COMP: variants seen among roughly 807,000 people sequenced by gnomAD.
The protein encoded by COMP is cartilage oligomeric matrix protein (pseudoachondroplasia, epiphyseal dysplasia 1, multiple).
COMP carries 79 observed loss-of-function variants against 95.8 expected under a neutral mutation model. That is an observed-to-expected ratio of 0.82 (90% confidence interval 0.69 to 0.99). The LOEUF (loss-of-function observed/expected upper bound fraction) is 0.99, where lower values mean the gene tolerates loss of function less well. COMP is among the 50% of genes least tolerant of loss of function. The pLI, the probability that COMP is intolerant of heterozygous loss-of-function variation, is 0.00. For synonymous variants in COMP, 438 were observed against 433.9 expected (o/e 1.01, Z -0.12); for missense variants, 906 against 1,076.1 (o/e 0.84, Z 2.21).
At chr19:18,786,404 C>T in intron 11 of COMP, 113 bp from the exon 12 acceptor site, 1 of 1,559,200 alleles carries the variant, frequency 6.4e-7, no homozygotes, top group Non-Finnish European at 8.8e-7. Flanking sequence ...ACCCCCACCG[C>T]AGGCTGCTCG....
At chr19:18,785,354 A>AC in intron 15 of COMP, 144 bp downstream of exon 15, 1 of 1,065,860 alleles carries the variant, frequency 9.4e-7, no homozygotes, top group Non-Finnish European at 1.4e-6. Context: ...CGCCCATATA[A>AC]CCCCGCCCCT....
In COMP at chr19:18,790,436, C is replaced by G; in HGVS notation, c.217+126G>C. ...CCCATCCCATTCCCGTTCGTCCGTC[C>G]ACCTCTCCGTCAGCCTCCATCTCCT... On this transcript the variant is annotated intron_variant, in intron 3 of 18. Transcript: ENST00000222271. 2.4e-6 allele frequency: 3 copies of G among 1,232,370 alleles called. No homozygotes were observed. In the South Asian group the frequency reaches 3.6e-5, roughly 15 times the overall value. 76.3% of individuals were successfully genotyped at this position (1,232,370 alleles called of 1,614,324 possible).
rs2055193516 is a variant in COMP, at chr19:18,789,334, C to A, written c.391-37G>T. On this transcript the variant is annotated intron_variant, in intron 4 of 18. Transcript: ENST00000222271. This position sits in a 1 kb window ranked among gnomAD's most constrained non-coding sequence, Gnocchi z 6.1. Reference sequence around the variant, plus strand: ...GGGGCCACAGAGGGTCAGAGGGCTTCGAGCTGGGCCCTGGGGGCCGCACCT... The same window carrying A: ...GGGGCCACAGAGGGTCAGAGGGCTTAGAGCTGGGCCCTGGGGGCCGCACCT... 1 of 1,435,928 alleles carries A rather than the reference C, an allele frequency of 7.0e-7. No individual in the cohort carries two copies. Among genetic ancestry groups the A allele is most frequent in the Non-Finnish European group, 9.1e-7 (1 of 1,093,894 alleles). The allele number at this position is 1,435,928 out of a possible 1,614,324, so 88.9% of individuals were successfully genotyped here.
At chr19:18,786,920 G>C in intron 10 of COMP, 1 of 397,250 alleles carries the variant, frequency 2.5e-6, no homozygotes. Context: ...TTACAGGTGT[G>C]CGCCACCACG....
rs1215343426 is a variant in COMP, at chr19:18,788,167, G to T, written c.975+45C>A. On this transcript the variant is annotated intron_variant, in intron 9 of 18. Transcript: ENST00000222271. This position sits in a 1 kb window ranked among gnomAD's most constrained non-coding sequence, Gnocchi z 4.7. ...TCCGCCCGCCTCGGCCTCCCAAAGT[G>T]CTGGGATTACAGGAGTGAACCACCG... 3.9e-6 allele frequency: 6 copies of T among 1,520,030 alleles called. No individual in the cohort carries two copies. In the African/African-American group the frequency reaches 4.1e-5, roughly 10 times the overall value. 94.2% of individuals were successfully genotyped at this position (1,520,030 alleles called of 1,614,324 possible).
In COMP at chr19:18,790,118, C is replaced by A. The variant is rs770568381; in HGVS notation, c.218-4G>T. 4.7e-6 allele frequency: 7 copies of A among 1,478,040 alleles called. No individual in the cohort carries two copies. In the Admixed American group the frequency reaches 8.5e-5, roughly 18 times the overall value. The allele number at this position is 1,478,040 out of a possible 1,614,324, so 91.6% of individuals were successfully genotyped here. A position where few individuals can be genotyped will look rare whatever the true frequency, so the allele number is the denominator to read the frequency against. On this transcript the variant is annotated splice_polypyrimidine_tract_variant and splice_region_variant and intron_variant, in intron 3 of 18. Transcript: ENST00000222271. ...GTGCGTACTGACTGCTGCATCCCTG[C>A]GGGGGGGAGGGGGGAGAAGCGGCGG...
At position 18,784,818 on chromosome 19, in the gene COMP, A is replaced by G. The variant is rs2055153071; in HGVS notation, c.1914+78T>C. 1 of 1,518,996 alleles carries G rather than the reference A, an allele frequency of 6.6e-7. No individual in the cohort carries two copies. Among genetic ancestry groups the G allele is most frequent in the Non-Finnish European group, 9.1e-7 (1 of 1,104,392 alleles). The allele number at this position is 1,518,996 out of a possible 1,614,324, so 94.1% of individuals were successfully genotyped here. A position where few individuals can be genotyped will look rare whatever the true frequency, so the allele number is the denominator to read the frequency against. On this transcript the variant is annotated intron_variant, in intron 16 of 18. Coordinates refer to ENST00000222271, the MANE Select transcript of COMP (RefSeq NM_000095.3). The surrounding 1 kb of genome is among the most constrained non-coding windows in gnomAD (Gnocchi z 4.9). ...TGAGGCTAGGGGGCTGGGGGGCTCTAAGGGCTGTAAAGGGTTTTACGGAGG... is the reference window on the plus strand; with the variant it reads ...TGAGGCTAGGGGGCTGGGGGGCTCTGAGGGCTGTAAAGGGTTTTACGGAGG...
chr19:18,786,759 G>A lies in COMP; in HGVS notation c.1136-109C>T, dbSNP rs980992164. The A allele has an allele frequency of 3.8e-4, 154 of 406,652 alleles. 1 individual carries two copies. Among genetic ancestry groups the A allele is most frequent in the Admixed American group, 1.2e-3 (29 of 24,814 alleles). The allele number at this position is 406,652 out of a possible 1,614,324, so 25.2% of individuals were successfully genotyped here. On this transcript the variant is annotated intron_variant, in intron 10 of 18. Transcript: ENST00000222271. ...CCTGGAACAGAGTCCCAACTTCATGGAAGCTTTTTTTTTTTTTTTTTTTTT... is the reference window on the plus strand; with the variant it reads ...CCTGGAACAGAGTCCCAACTTCATGAAAGCTTTTTTTTTTTTTTTTTTTTT...
rs2055197753 is a variant in COMP at position 18,789,780 on chromosome 19, G to A, written c.390+162C>T. 1.3e-5 allele frequency among the ~76,000 whole-genome samples: 2 copies of A among 152,010 alleles called. No individual in the cohort carries two copies. The highest frequency in any genetic ancestry group is 1.3e-4 in the Admixed American group (2 of 15,264). ...GTGACGGGGATGGTCCTTGGGTTGG[G>A]CGTCCCCCCGCGGTAAGGAGGTAGT... On this transcript the variant is annotated intron_variant, in intron 4 of 18. Coordinates refer to ENST00000222271, the MANE Select transcript of COMP (RefSeq NM_000095.3). The surrounding 1 kb of genome is among the most constrained non-coding windows in gnomAD (Gnocchi z 6.1).
rs2055191130 is a variant in COMP at position 18,789,003 on chromosome 19, C to T, written c.529-90G>A. 3.2e-6 allele frequency: 5 copies of T among 1,552,232 alleles called. No individual in the cohort carries two copies. The South Asian group carries it at 4.6e-5, about 14-fold the overall frequency. On this transcript the variant is annotated intron_variant, in intron 5 of 18. Coordinates refer to ENST00000222271, the MANE Select transcript of COMP (RefSeq NM_000095.3). This position sits in a 1 kb window ranked among gnomAD's most constrained non-coding sequence, Gnocchi z 6.1. ...ACACTTCCTCCGCATCCTGCCTCTC[C>T]CCTCCATCCTGCCCCAAACCGATCA...
Position 18,789,087 on chromosome 19 carries a change from A to G in COMP, c.528+73T>C. On this transcript the variant is annotated intron_variant, in intron 5 of 18. Transcript: ENST00000222271. This position sits in a 1 kb window ranked among gnomAD's most constrained non-coding sequence, Gnocchi z 6.1. Reference sequence around the variant, plus strand: ...CCTCCCGCTGGAAGGAGGCTGGAAGAGGAGTTTACTGGTAAACAAAATGGA... The same window carrying G: ...CCTCCCGCTGGAAGGAGGCTGGAAGGGGAGTTTACTGGTAAACAAAATGGA... 3 of 1,563,636 alleles carry G rather than the reference A, an allele frequency of 1.9e-6. No individual in the cohort carries two copies. The highest frequency in any genetic ancestry group is 2.6e-6 in the Non-Finnish European group (3 of 1,154,806).
Position 18,790,835 on chromosome 19 carries a change from AC to A in COMP, c.165+14del. 6.4e-7 allele frequency: 1 copy of A among 1,552,736 alleles called. No individual in the cohort carries two copies. The highest frequency in any genetic ancestry group is 1.2e-5 in the South Asian group (1 of 85,620). On this transcript the variant is annotated intron_variant, in intron 2 of 18. Coordinates refer to ENST00000222271, the MANE Select transcript of COMP (RefSeq NM_000095.3). Reference sequence around the variant, plus strand: ...CGTTCCCTGGCACTCCCTGCCCCGCACCCGGGCCCCGCACCTGCTGCCGCAG... The same window carrying A: ...CGTTCCCTGGCACTCCCTGCCCCGCACCGGGCCCCGCACCTGCTGCCGCAG...
chr19:18,790,808 T>G (rs1220542978), intron 2 of COMP, 42 bp downstream of exon 2: 1 of 1,559,338 alleles, frequency 6.4e-7, no homozygotes. Flanking sequence ...GAGACCCCCT[T>G]CCGTTCCCTG....
intron 17 of COMP, 101 bp from the exon 18 acceptor site, chr19:18,783,294 T>C: frequency 6.6e-7 from 1 of 1,508,402 alleles, no homozygotes; most frequent in Non-Finnish European, 8.9e-7. Context: ...CTGACTGGGC[T>C]GCACTGGGAG....
Position 18,783,069 on chromosome 19 carries a change from G to A in COMP, c.2212C>T (p.Arg738Cys), listed in dbSNP as rs776802201. Residue 738 changes from arginine to cysteine, a missense_variant, in exon 18 of 19, where the codon CGT (arginine) becomes TGT (cysteine). Coordinates refer to ENST00000222271, the MANE Select transcript of COMP (RefSeq NM_000095.3). ...SQENIIWANL[R>C]YRCNDTIPED... is the part of the protein sequence containing the mutation. ...CTCGGCTCACCATTGCAGCGGTAACGCAGGTTGGCCCAGATGATGTTCTCC... is the reference window on the plus strand; with the variant it reads ...CTCGGCTCACCATTGCAGCGGTAACACAGGTTGGCCCAGATGATGTTCTCC... 31 of 1,612,128 alleles carry A rather than the reference G, an allele frequency of 1.9e-5. No individual in the cohort carries two copies. Among genetic ancestry groups the A allele is most frequent in the Admixed American group, 3.3e-5 (2 of 60,008 alleles).
chr19:18,783,901 C>T (rs1258122587), intron 17 of COMP, among the ~76,000 whole-genome samples: 4 of 152,128 alleles, frequency 2.6e-5, no homozygotes, highest in South Asian at 2.1e-4. Flanking sequence ...TGAGCCACTG[C>T]GCCTGGCCTA....
chr19:18,784,233 TAG>T lies in COMP; in HGVS notation c.2043_2044del (p.Tyr682SerfsTer19). 1 of 1,614,028 alleles carries T rather than the reference TAG, an allele frequency of 6.2e-7. No homozygotes were observed. The highest frequency in any genetic ancestry group is 8.5e-7 in the Non-Finnish European group (1 of 1,180,030). ...GGGCCGGTGCTGCAGGAACCAACGA[TAG>T]GACTTCTTGTCCTTCCAACCCACGT... On this transcript the variant is annotated frameshift_variant, in exon 17 of 19. Transcript: ENST00000222271. LOFTEE classifies it high-confidence loss of function. This position sits in a 1 kb window ranked among gnomAD's most constrained non-coding sequence, Gnocchi z 4.9.
intron 10 of COMP, 77 bp from the exon 11 acceptor site, chr19:18,786,727 A>G: frequency 1.5e-6 from 1 of 677,148 alleles, no homozygotes; most frequent in Non-Finnish European, 2.5e-6. Context: ...GGCCAGCCTG[A>G]GGCTGGCCTG....
At chr19:18,787,335 A>T (rs548508669) in intron 10 of COMP, among the ~76,000 whole-genome samples, 156 bp downstream of exon 10, 1 of 152,108 alleles carries the variant, frequency 6.6e-6, no homozygotes, top group East Asian at 1.9e-4. Context: ...CCCAGCTTGC[A>T]TTTTTCTGGC....
Sources: allele counts gnomAD v4.1 joint callset (sites outside exome capture counted in the v4.1 genomes callset), GRCh38; gene constraint gnomAD v4.1.1; non-coding constraint Gnocchi (gnomAD v3.1); transcripts MANE v1.5; gene names NCBI Gene and HGNC (gene_info 2026-07-23, HGNC 2026-07-21).